Variants in SLC45A4 observed in about 807,000 individuals in gnomAD.
The protein encoded by SLC45A4 is solute carrier family 45 member 4.
Under a neutral mutation model 63.7 loss-of-function variants are expected in SLC45A4, and 32 were observed. The observed-to-expected ratio is 0.50, with a 90% confidence interval of 0.38 to 0.67. The LOEUF (loss-of-function observed/expected upper bound fraction) is 0.67. SLC45A4 is among the 30% of genes least tolerant of loss of function. The pLI, the probability that SLC45A4 is intolerant of heterozygous loss-of-function variation, is 0.00. For missense variants in SLC45A4, 1,027 were observed against 1,157.7 expected, an observed-to-expected ratio of 0.89 and a Z score of 1.64; for synonymous variants, 535 against 510.0, an observed-to-expected ratio of 1.05 and a Z score of -0.66.
intron 2 of SLC45A4, among the ~76,000 whole-genome samples, chr8:141,247,216 T>C (rs1281357709): frequency 9.2e-6 from 1 of 108,148 alleles, no homozygotes; most frequent in African/African-American, 2.7e-5. Context: ...CTAAGTGAGT[T>C]TGGCAAAATT....
intron 1 of SLC45A4, among the ~76,000 whole-genome samples, chr8:141,257,191 T>TAAGAAAC (rs1828836060): frequency 1.3e-5 from 2 of 152,208 alleles, no homozygotes; most frequent in African/African-American, 2.4e-5. Flanking sequence ...CAGAATAGTG[T>TAAGAAAC]AAGAAACCAC....
intron 2 of SLC45A4, among the ~76,000 whole-genome samples, chr8:141,250,991 T>A (rs960369904): frequency 2.0e-5 from 3 of 152,194 alleles, no homozygotes; most frequent in Non-Finnish European, 2.9e-5. Flanking sequence ...ACAATACACA[T>A]CATCTGCCAT....
chr8:141,300,804 G>A (rs12675092), intron 1 of SLC45A4, among the ~76,000 whole-genome samples: 3 of 152,124 alleles, frequency 2.0e-5, no homozygotes, highest in Admixed American at 6.5e-5. Flanking sequence ...ATGCCGCAGC[G>A]TGCTTACTCG....
intron 2 of SLC45A4, among the ~76,000 whole-genome samples, chr8:141,250,784 T>G (rs1703426335): frequency 6.6e-6 from 1 of 152,230 alleles, no homozygotes; most frequent in South Asian, 2.1e-4. Context: ...TTTTCAACGA[T>G]GGGTTTACTG....
At chr8:141,234,101 C>T (rs1294295775) in intron 2 of SLC45A4, among the ~76,000 whole-genome samples, 1 of 152,228 alleles carries the variant, frequency 6.6e-6, no homozygotes, top group Non-Finnish European at 1.5e-5. Context: ...TCGCCAACAT[C>T]GGGGCCTGCA....
intron 2 of SLC45A4, among the ~76,000 whole-genome samples, chr8:141,237,981 C>G (rs1452285374): frequency 6.6e-6 from 1 of 152,266 alleles, no homozygotes; most frequent in African/African-American, 2.4e-5. Flanking sequence ...GAAATCCAGG[C>G]TTCCCAGTCT....
chr8:141,283,220 G>A (rs1424413946), intron 1 of SLC45A4, among the ~76,000 whole-genome samples: 2 of 152,238 alleles, frequency 1.3e-5, no homozygotes, highest in Non-Finnish European at 2.9e-5. Context: ...TCTGAAGCAT[G>A]ACTCTGTGGG....
intron 1 of SLC45A4, among the ~76,000 whole-genome samples, chr8:141,301,582 GC>G (rs1830743824): frequency 6.6e-6 from 1 of 151,514 alleles, no homozygotes; most frequent in Non-Finnish European, 1.5e-5. Flanking sequence ...CTCTGTCTCT[GC>G]CAAAAATACA....
intron 6 of SLC45A4, among the ~76,000 whole-genome samples, chr8:141,216,702 C>T (rs1457762645): frequency 2.1e-5 from 3 of 145,758 alleles, no homozygotes; most frequent in African/African-American, 5.1e-5. Flanking sequence ...TCACCCCGGC[C>T]CCATCCCTCA....
chr8:141,258,132 T>C (rs4961344), intron 1 of SLC45A4, among the ~76,000 whole-genome samples: 1 of 151,618 alleles, frequency 6.6e-6, no homozygotes, highest in Admixed American at 6.6e-5. Flanking sequence ...TGGTCATTCT[T>C]GTAAATCCCA....
chr8:141,277,579 A>C (rs1829773430), intron 1 of SLC45A4, among the ~76,000 whole-genome samples: 1 of 152,176 alleles, frequency 6.6e-6, no homozygotes, highest in African/African-American at 2.4e-5. Flanking sequence ...TTTTACTGTT[A>C]GTTCACTAAA....
At chr8:141,300,810 AC>A (rs1454776061) in intron 1 of SLC45A4, among the ~76,000 whole-genome samples, 1 of 152,238 alleles carries the variant, frequency 6.6e-6, no homozygotes, top group African/African-American at 2.4e-5. Context: ...CAGCGTGCTT[AC>A]TCGTGAAATG....
At position 141,278,114 on chromosome 8, in the gene SLC45A4, C is replaced by T. The variant is rs745577153; in HGVS notation, c.-400-23485G>A. ...GTTTTAAATACAGCACACTTCTCAT[C>T]TGCGAATAGTTCCAGGACACACCCT... On this transcript the variant is annotated intron_variant, in intron 1 of 8. Transcript: ENST00000517878. This position sits in a 1 kb window ranked among gnomAD's most constrained non-coding sequence, Gnocchi z 4.1. 1.3e-5 allele frequency: 2 copies of T among 152,346 alleles called. No individual in the cohort carries two copies. Among genetic ancestry groups the T allele is most frequent in the Non-Finnish European group, 2.9e-5 (2 of 68,086 alleles). The allele number at this position is 152,346 out of a possible 1,614,324, so 9.4% of individuals were successfully genotyped here.
At chr8:141,236,354 G>T (rs565526102) in intron 2 of SLC45A4, among the ~76,000 whole-genome samples, 32 of 151,754 alleles carry the variant, frequency 2.1e-4, no homozygotes, top group Non-Finnish European at 4.3e-4. Context: ...GTTTTCCATT[G>T]TGTAACACAT....
chr8:141,297,253 CAAG>C (rs200575923), intron 1 of SLC45A4, among the ~76,000 whole-genome samples: 4,919 of 152,204 alleles, frequency 0.032, 132 homozygotes, highest in Middle Eastern at 0.085. Flanking sequence ...AGGGCTCCAC[CAAG>C]AAGAGGCGGG....
chr8:141,286,669 C>T (rs1307482041), intron 1 of SLC45A4, among the ~76,000 whole-genome samples: 3 of 151,944 alleles, frequency 2.0e-5, no homozygotes, highest in Admixed American at 1.3e-4. Flanking sequence ...AGCCAGGAGC[C>T]CCAGGAATGG....
At chr8:141,251,761 A>G (rs1318182920) in intron 2 of SLC45A4, among the ~76,000 whole-genome samples, 2 of 151,984 alleles carry the variant, frequency 1.3e-5, no homozygotes, top group Admixed American at 6.6e-5. Context: ...TCATGGAAGC[A>G]CTGGAAAAGT....
At chr8:141,289,378 A>G (rs1830268673) in intron 1 of SLC45A4, among the ~76,000 whole-genome samples, 1 of 152,228 alleles carries the variant, frequency 6.6e-6, no homozygotes, top group South Asian at 2.1e-4. Context: ...CACCCCTTCC[A>G]TCTATGACAG....
chr8:141,285,335 C>T (rs757159990), intron 1 of SLC45A4, among the ~76,000 whole-genome samples: 11 of 152,376 alleles, frequency 7.2e-5, no homozygotes, highest in South Asian at 2.1e-4. Context: ...TGCGCCATGA[C>T]GGGGCCTCGC....
Sources: allele counts gnomAD v4.1 joint callset (sites outside exome capture counted in the v4.1 genomes callset), GRCh38; gene constraint gnomAD v4.1.1; non-coding constraint Gnocchi (gnomAD v3.1); transcripts MANE v1.5; gene names NCBI Gene and HGNC (gene_info 2026-07-23, HGNC 2026-07-21).